PRKAA2: variants seen among roughly 807,000 people sequenced by gnomAD.
PRKAA2 encodes protein kinase AMP-activated catalytic subunit alpha 2.
Under a neutral mutation model 56.3 loss-of-function variants are expected in PRKAA2, and 40 were observed. The observed-to-expected ratio is 0.71, with a 90% CI of 0.55 to 0.92. The LOEUF is 0.92. Ranked by LOEUF, PRKAA2 falls within the 40% of genes least tolerant of loss-of-function variation. The probability of loss-of-function intolerance (pLI) is 0.00; values close to 1 mark genes in which losing one functional copy is unlikely to be tolerated. For synonymous variants in PRKAA2, 214 were observed against 234.2 expected (o/e 0.91, Z 0.79); for missense variants, 542 against 686.9 (o/e 0.79, Z 2.36).
At chr1:56,657,980 A>G (rs560350431) in intron 1 of PRKAA2, among the ~76,000 whole-genome samples, 1 of 152,224 alleles carries the variant, frequency 6.6e-6, no homozygotes. Flanking sequence ...TGCGAGACTG[A>G]GAATATATGT....
rs368219595 is a variant in PRKAA2, at chr1:56,665,176, C to T, written c.95-9205C>T. Among the ~76,000 whole-genome samples, 7 of 151,548 alleles carry T rather than the reference C, an allele frequency of 4.6e-5. No homozygotes were observed. In the South Asian group the frequency reaches 8.3e-4, roughly 18 times the overall value. On this transcript the variant is annotated intron_variant, in intron 1 of 8. Transcript: ENST00000371244. The stretch of plus-strand genomic sequence containing the variant: ...GCAACCTCCGCCTCCCCGGTTCAAA[C>T]GATTCTCCTGCCTCAGCCTTGTGAG...
chr1:56,697,788 G>A (rs896451472), intron 6 of PRKAA2, among the ~76,000 whole-genome samples: 3 of 151,022 alleles, frequency 2.0e-5, no homozygotes, highest in African/African-American at 7.3e-5. Flanking sequence ...CATAGTAAGC[G>A]CCCATCTATA....
chr1:56,668,659 A>G (rs954870776), intron 1 of PRKAA2, among the ~76,000 whole-genome samples: 7 of 152,122 alleles, frequency 4.6e-5, no homozygotes, highest in African/African-American at 1.7e-4. Flanking sequence ...AGATATGATA[A>G]TATCCTAAAC....
intron 1 of PRKAA2, among the ~76,000 whole-genome samples, chr1:56,657,164 G>T (rs1238145808): frequency 6.6e-6 from 1 of 152,030 alleles, no homozygotes; most frequent in South Asian, 2.1e-4. Context: ...ATTTATCCTT[G>T]CAGAAATGGG....
intron 2 of PRKAA2, among the ~76,000 whole-genome samples, chr1:56,688,628 A>C (rs1413390439): frequency 6.6e-6 from 1 of 152,230 alleles, no homozygotes; most frequent in Non-Finnish European, 1.5e-5. Flanking sequence ...GAGGAGGTAC[A>C]GCATGACTAA....
chr1:56,674,370 CTT>C lies in PRKAA2; in HGVS notation c.95-8_95-7del. 1.3e-6 allele frequency: 2 copies of C among 1,495,790 alleles called. No homozygotes were observed. The highest frequency in any genetic ancestry group is 1.8e-6 in the Non-Finnish European group (2 of 1,117,350). 92.7% of individuals were successfully genotyped at this position (1,495,790 alleles called of 1,614,324 possible). A position where few individuals can be genotyped will look rare whatever the true frequency, so the allele number is the denominator to read the frequency against. On this transcript the variant is annotated splice_polypyrimidine_tract_variant and intron_variant, in intron 1 of 8. Coordinates refer to ENST00000371244, the MANE Select transcript of PRKAA2 (RefSeq NM_006252.4). ...TGATAGCACATTTTTTTTCCTTTTT[CTT>C]TTCTTTAGTTGGAGAACATCAATTA...
chr1:56,665,806 C>T (rs1644031983), intron 1 of PRKAA2, among the ~76,000 whole-genome samples: 1 of 152,118 alleles, frequency 6.6e-6, no homozygotes, highest in South Asian at 2.1e-4. Context: ...ATATTGAGCA[C>T]CTTTTCATGT....
intron 1 of PRKAA2, among the ~76,000 whole-genome samples, chr1:56,673,084 CT>C (rs1644089279): frequency 6.6e-6 from 1 of 152,046 alleles, no homozygotes; most frequent in Non-Finnish European, 1.5e-5. Flanking sequence ...AGAAGTAAGC[CT>C]TTAAGATAGA....
intron 1 of PRKAA2, among the ~76,000 whole-genome samples, chr1:56,662,738 GGTTT>G (rs2100391975): frequency 6.6e-6 from 1 of 152,222 alleles, no homozygotes; most frequent in East Asian, 1.9e-4. Context: ...AAAGAAAATA[GGTTT>G]GTTTTAAAGG....
chr1:56,690,256 C>T (rs956729198), intron 2 of PRKAA2, among the ~76,000 whole-genome samples: 3 of 151,780 alleles, frequency 2.0e-5, no homozygotes, highest in Non-Finnish European at 2.9e-5. Context: ...CTCTGCCTCC[C>T]GGGTTCACGC....
chr1:56,673,044 C>T (rs1456865434), intron 1 of PRKAA2, among the ~76,000 whole-genome samples: 4 of 152,088 alleles, frequency 2.6e-5, no homozygotes, highest in African/African-American at 4.8e-5. Context: ...GTTGACGAGA[C>T]TGGCTTTGAA....
chr1:56,653,713 C>T (rs1446307366), intron 1 of PRKAA2, among the ~76,000 whole-genome samples: 2 of 151,986 alleles, frequency 1.3e-5, no homozygotes, highest in African/African-American at 4.8e-5. Flanking sequence ...GTTCTGAGAC[C>T]AGAAATTTAT....
chr1:56,671,072 TC>T (rs2100401413), intron 1 of PRKAA2, among the ~76,000 whole-genome samples: 1 of 152,330 alleles, frequency 6.6e-6, no homozygotes, highest in South Asian at 2.1e-4. Context: ...CCAAGCCTTT[TC>T]TTTTAATTTC....
intron 1 of PRKAA2, among the ~76,000 whole-genome samples, chr1:56,663,121 G>A (rs1644007707): frequency 6.6e-6 from 1 of 152,126 alleles, no homozygotes; most frequent in Admixed American, 6.6e-5. Flanking sequence ...TAAGAGACAA[G>A]GTCTTTGTGT....
chr1:56,687,175 C>T (rs1644197171), intron 2 of PRKAA2, among the ~76,000 whole-genome samples: 1 of 152,010 alleles, frequency 6.6e-6, no homozygotes, highest in South Asian at 2.1e-4. Flanking sequence ...TGAGCCACCG[C>T]ACCTGGCCAA....
rs1475352043 is a variant in PRKAA2 at position 56,707,642 on chromosome 1, C to T, written c.1588C>T (p.Pro530Ser). ...LTGSTLSSVS[P>S]RLGSHTMDFF... is the part of the protein sequence containing the mutation. ...CGGAAGCACATTGTCTTCAGTTTCA[C>T]CTCGCCTGGGCAGTCACACCATGGA... The change falls in exon 9 of 9, where the codon CCT becomes TCT. Residue 530 changes from proline to serine, a missense_variant. Pro to Ser is a moderately conservative substitution (Grantham distance 74). Transcript: ENST00000371244. 7.4e-6 allele frequency: 12 copies of T among 1,614,126 alleles called. No homozygotes were observed. The East Asian group carries it at 2.2e-4, about 30-fold the overall frequency.
chr1:56,674,588 A>G (rs1644100234), intron 2 of PRKAA2, 66 bp downstream of exon 2: 1 of 1,274,340 alleles, frequency 7.8e-7, no homozygotes, highest in Non-Finnish European at 1.1e-6. Context: ...TAGGAATTTT[A>G]TAATAATTGT....
chr1:56,657,609 G>C (rs1044331529), intron 1 of PRKAA2, among the ~76,000 whole-genome samples: 4 of 152,188 alleles, frequency 2.6e-5, no homozygotes, highest in Non-Finnish European at 5.9e-5. Context: ...CGGGGAGGCA[G>C]AGGTTGCAGT....
chr1:56,698,108 G>T (rs1238318528), intron 6 of PRKAA2, among the ~76,000 whole-genome samples: 2 of 145,924 alleles, frequency 1.4e-5, no homozygotes, highest in Non-Finnish European at 3.0e-5. Flanking sequence ...AAAGAGATGG[G>T]GTCTTGCTAT....
Sources: gnomAD v4.1 joint callset for allele counts (sites outside exome capture counted in the v4.1 genomes callset) on GRCh38, gnomAD v4.1.1 for gene constraint, MANE v1.5 for transcripts, NCBI Gene and HGNC (gene_info 2026-07-23, HGNC 2026-07-21) for gene names.